HS6ST3: variants seen among roughly 807,000 people sequenced by gnomAD.
HS6ST3 encodes heparan sulfate 6-O-sulfotransferase 3, also known as heparan-sulfate 6-O-sulfotransferase 3.
HS6ST3 carries 12 observed loss-of-function variants against 36.7 expected under a neutral mutation model. That is an observed-to-expected ratio of 0.33 (90% CI 0.21 to 0.53). The LOEUF is 0.53. Among genes scored for constraint, HS6ST3 ranks in the 20% least tolerant of loss-of-function variants. The pLI is 0.95. For missense variants in HS6ST3, 584 were observed against 640.9 expected (o/e 0.91, Z 0.96); for synonymous variants, 240 against 257.5 (o/e 0.93, Z 0.65).
At chr13:96,696,453 C>A (rs974332988) in intron 1 of HS6ST3, among the ~76,000 whole-genome samples, 1 of 152,182 alleles carries the variant, frequency 6.6e-6, no homozygotes, top group Non-Finnish European at 1.5e-5. Context: ...GACCATCGCA[C>A]TTCAAAATAT....
chr13:96,152,265 G>C (rs2054088438), intron 1 of HS6ST3, among the ~76,000 whole-genome samples: 1 of 150,140 alleles, frequency 6.7e-6, no homozygotes, highest in Admixed American at 6.6e-5. Context: ...CTCCCCAGTT[G>C]AGACTGTTTC....
At chr13:96,507,231 T>G (rs1196183275) in intron 1 of HS6ST3, among the ~76,000 whole-genome samples, 2 of 152,154 alleles carry the variant, frequency 1.3e-5, no homozygotes, top group Admixed American at 6.6e-5. Flanking sequence ...GTGCATCCAC[T>G]ATAGACACTG....
intron 1 of HS6ST3, among the ~76,000 whole-genome samples, chr13:96,669,193 C>T (rs933971900): frequency 4.6e-5 from 7 of 152,054 alleles, no homozygotes; most frequent in Non-Finnish European, 1.0e-4. Context: ...TAGGTATAAA[C>T]CCTATATGGA....
At chr13:96,253,148 G>A (rs2054615577) in intron 1 of HS6ST3, among the ~76,000 whole-genome samples, 1 of 152,060 alleles carries the variant, frequency 6.6e-6, no homozygotes, top group Non-Finnish European at 1.5e-5. Context: ...GGGCTTCATG[G>A]GTGGGCCTCT....
intron 1 of HS6ST3, among the ~76,000 whole-genome samples, chr13:96,277,593 A>G (rs2054754630): frequency 6.6e-6 from 1 of 152,222 alleles, no homozygotes; most frequent in African/African-American, 2.4e-5. Context: ...TACTAATTAC[A>G]TGGAATATAT....
intron 1 of HS6ST3, among the ~76,000 whole-genome samples, chr13:96,594,284 T>C (rs1027035219): frequency 6.6e-6 from 1 of 151,970 alleles, no homozygotes; most frequent in Non-Finnish European, 1.5e-5. Context: ...GTCTTTTTTT[T>C]TTAGAGAATA....
chr13:96,660,466 A>C (rs2056642501), intron 1 of HS6ST3, among the ~76,000 whole-genome samples: 1 of 152,184 alleles, frequency 6.6e-6, no homozygotes, highest in African/African-American at 2.4e-5. Flanking sequence ...GGAAAACTGC[A>C]TATCCATGTG....
intron 1 of HS6ST3, among the ~76,000 whole-genome samples, chr13:96,479,192 G>C (rs1180492721): frequency 1.3e-5 from 2 of 152,188 alleles, no homozygotes; most frequent in Admixed American, 1.3e-4. Context: ...GTCAGGAAAG[G>C]AAGCGTTTGC....
intron 1 of HS6ST3, among the ~76,000 whole-genome samples, chr13:96,503,405 A>G (rs2056013388): frequency 6.6e-6 from 1 of 152,230 alleles, no homozygotes; most frequent in East Asian, 1.9e-4. Flanking sequence ...ACAGAAAACA[A>G]TTAGCAACAC....
Position 96,558,097 on chromosome 13 carries a change from C to T in HS6ST3, c.708-274393C>T, listed in dbSNP as rs1167481375. Among the ~76,000 whole-genome samples, 2 of 152,004 alleles carry T rather than the reference C, an allele frequency of 1.3e-5. 1 individual carries two copies. Among genetic ancestry groups the T allele is most frequent in the Admixed American group, 1.3e-4 (2 of 15,260 alleles). On this transcript the variant is annotated intron_variant, in intron 1 of 1. Coordinates refer to ENST00000376705, the MANE Select transcript of HS6ST3 (RefSeq NM_153456.4). ...ATTCTTCTTTTTGATTCTCTTTAGC[C>T]TTTACCTTTTTGCTTTTTTATCTCT...
chr13:96,366,252 G>A (rs2055261814), intron 1 of HS6ST3, among the ~76,000 whole-genome samples: 1 of 152,082 alleles, frequency 6.6e-6, no homozygotes, highest in African/African-American at 2.4e-5. Flanking sequence ...GAGGTGGGTG[G>A]ATCACCCGAG....
intron 1 of HS6ST3, among the ~76,000 whole-genome samples, chr13:96,515,497 C>G (rs188465707): frequency 3.7e-4 from 57 of 152,324 alleles, no homozygotes; most frequent in African/African-American, 1.3e-3. Context: ...GCTAGGAAGC[C>G]TTTTCCCTGA....
intron 1 of HS6ST3, among the ~76,000 whole-genome samples, chr13:96,762,468 A>C (rs1876994071): frequency 6.6e-6 from 1 of 152,224 alleles, no homozygotes; most frequent in Non-Finnish European, 1.5e-5. Context: ...TGACAGAGTG[A>C]GACTCCATCT....
At position 96,833,147 on chromosome 13, in the gene HS6ST3, T is replaced by C; in HGVS notation, c.1365T>C (p.Ala455=). 6.3e-7 allele frequency: 1 copy of C among 1,597,268 alleles called. No individual in the cohort carries two copies. Residue 455 remains alanine, a synonymous_variant, in exon 2 of 2, where the codon GCT becomes GCC. Transcript: ENST00000376705. ...ACCAGTGGCCCAAAGAAGATGGGGCTGCAGAAGGGACTGTCACCGAGGACT... is the reference window on the plus strand; with the variant it reads ...ACCAGTGGCCCAAAGAAGATGGGGCCGCAGAAGGGACTGTCACCGAGGACT... The part of the protein sequence containing the change: ...RDHQWPKEDG[A]AEGTVTEDYN...
chr13:96,327,030 G>A (rs1222009070), intron 1 of HS6ST3, among the ~76,000 whole-genome samples: 1 of 139,644 alleles, frequency 7.2e-6, no homozygotes, highest in Non-Finnish European at 1.6e-5. Context: ...GGGGTTGTTT[G>A]TTTTTTTCTT....
At chr13:96,448,515 G>T (rs1008481627) in intron 1 of HS6ST3, among the ~76,000 whole-genome samples, 3 of 151,654 alleles carry the variant, frequency 2.0e-5, no homozygotes, top group African/African-American at 7.3e-5. Flanking sequence ...CTTTCTTCTG[G>T]GTATTTCCAG....
chr13:96,349,942 A>G (rs1162120427), intron 1 of HS6ST3, among the ~76,000 whole-genome samples: 1 of 152,206 alleles, frequency 6.6e-6, no homozygotes, highest in African/African-American at 2.4e-5. Context: ...TTCAGGTGGT[A>G]TCTGAAGTAA....
At chr13:96,131,355 A>T (rs1224038846) in intron 1 of HS6ST3, among the ~76,000 whole-genome samples, 1 of 151,808 alleles carries the variant, frequency 6.6e-6, no homozygotes, top group Admixed American at 6.5e-5. Context: ...TTTTTCTTTT[A>T]AACAAATTAA....
At chr13:96,509,184 C>T (rs559601653) in intron 1 of HS6ST3, among the ~76,000 whole-genome samples, 44 of 152,048 alleles carry the variant, frequency 2.9e-4, no homozygotes, top group Non-Finnish European at 5.4e-4. Context: ...GTTCTTTGCC[C>T]ACTTTTTCAT....
Sources: allele counts gnomAD v4.1 joint callset (sites outside exome capture counted in the v4.1 genomes callset), GRCh38; gene constraint gnomAD v4.1.1; transcripts MANE v1.5; gene names NCBI Gene and HGNC (gene_info 2026-07-23, HGNC 2026-07-21).